The following ADAMTS5 variants were observed in gnomAD, a reference collection of about 807,000 sequenced individuals.
ADAMTS5 encodes ADAM metallopeptidase with thrombospondin type 1 motif 5, also known as A disintegrin and metalloproteinase with thrombospondin motifs 5.
In ADAMTS5, 54 loss-of-function variants were observed where a neutral mutation model predicts 81.4. The observed-to-expected ratio is 0.66, with a 90% CI of 0.53 to 0.83. ADAMTS5 has a LOEUF of 0.83. Ranked by LOEUF, ADAMTS5 falls within the 40% of genes least tolerant of loss-of-function variation. The pLI is 0.00. For synonymous variants in ADAMTS5, 532 were observed against 508.8 expected (o/e 1.05, Z -0.61); for missense variants, 1,194 against 1,229.9 (o/e 0.97, Z 0.44).
chr21:26,923,939 T>C lies in ADAMTS5; in HGVS notation c.*114A>G. ...ATTCTGCCCATAATTGGACTCCTGTTGACAATGTCACTGAAGCATGACTTT... is the reference window on the plus strand; with the variant it reads ...ATTCTGCCCATAATTGGACTCCTGTCGACAATGTCACTGAAGCATGACTTT... On this transcript the variant is annotated 3_prime_UTR_variant, in exon 8 of 8. Coordinates refer to ENST00000284987, the MANE Select transcript of ADAMTS5 (RefSeq NM_007038.5). The C allele has an allele frequency of 8.7e-7, 1 of 1,143,376 alleles. No homozygotes were observed. The highest frequency in any genetic ancestry group is 1.2e-6 in the Non-Finnish European group (1 of 827,296). The allele number at this position is 1,143,376 out of a possible 1,614,324, so 70.8% of individuals were successfully genotyped here.
rs1356235663 is a variant in ADAMTS5, at chr21:26,965,808, C to A, written c.584G>T (p.Arg195Leu). The change falls in exon 1 of 8, where the codon CGC (arginine) becomes CTC (leucine). Residue 195 changes from arginine (R) to leucine (L), a missense_variant. Arg to Leu is a moderately radical substitution (Grantham distance 102). Around this residue, in one of 2 missense-constraint regions of ADAMTS5, gnomAD observed 498 missense variants for 412.3 expected, o/e 1.21. Coordinates refer to ENST00000284987, the MANE Select transcript of ADAMTS5 (RefSeq NM_007038.5). Reference sequence around the variant, plus strand: ...CAGGGCCTCGAAGCTGAAGCCCTCGCGGGTGTAGACGTGCAGGATCCGTGC... The same window carrying A: ...CAGGGCCTCGAAGCTGAAGCCCTCGAGGGTGTAGACGTGCAGGATCCGTGC... ...GSARILHVYT[R>L]EGFSFEALPP... 9 of 1,607,560 alleles carry A rather than the reference C, an allele frequency of 5.6e-6. No homozygotes were observed. Among genetic ancestry groups the A allele is most frequent in the Admixed American group, 1.7e-5 (1 of 59,402 alleles).
In ADAMTS5 at chr21:26,965,400, C is replaced by A; in HGVS notation, c.992G>T (p.Ser331Ile). 1 of 1,614,268 alleles carries A rather than the reference C, an allele frequency of 6.2e-7. No individual in the cohort carries two copies. Among genetic ancestry groups the A allele is most frequent in the Non-Finnish European group, 8.5e-7 (1 of 1,180,050 alleles). Residue 331 changes from serine to isoleucine, a missense_variant, in exon 1 of 8, where the codon AGC becomes ATC. Ser to Ile is a moderately radical substitution (Grantham distance 142). This residue lies in a region of ADAMTS5 where 696 missense variants were observed against 817.6 expected (regional missense o/e 0.85). Coordinates refer to ENST00000284987, the MANE Select transcript of ADAMTS5 (RefSeq NM_007038.5). ...LGDKDKSLEV[S>I]KNAATTLKNF... ...CTTGAGTGTGGTGGCAGCGTTCTTG[C>A]TCACTTCCAGGCTCTTGTCCTTGTC...
At chr21:26,936,842 C>T (rs187642534) in intron 3 of ADAMTS5, among the ~76,000 whole-genome samples, 31 of 152,196 alleles carry the variant, frequency 2.0e-4, no homozygotes, top group Admixed American at 6.5e-5. Context: ...CAGAACTCCA[C>T]GAAAAACATT....
chr21:26,931,655 C>T (rs542225593), intron 6 of ADAMTS5, among the ~76,000 whole-genome samples: 17 of 152,198 alleles, frequency 1.1e-4, no homozygotes, highest in Non-Finnish European at 2.2e-4. Flanking sequence ...AGTTTTCTTG[C>T]TTTATGGTCT....
rs1986642400 is a variant in ADAMTS5, at chr21:26,919,249, A to G, written c.*4804T>C. On this transcript the variant is annotated 3_prime_UTR_variant, in exon 8 of 8. Coordinates refer to ENST00000284987, the MANE Select transcript of ADAMTS5 (RefSeq NM_007038.5). ...TTTGTTTTTTTTTTTTTTCCTACAA[A>G]TCACAGTTTTCCTCACAGTGTTAGA... 6.6e-6 allele frequency: 1 copy of G among 151,220 alleles called. No individual in the cohort carries two copies. The highest frequency in any genetic ancestry group is 1.5e-5 in the Non-Finnish European group (1 of 67,756). 9.4% of individuals were successfully genotyped at this position (151,220 alleles called of 1,614,324 possible). A position where few individuals can be genotyped will look rare whatever the true frequency, so the allele number is the denominator to read the frequency against.
chr21:26,923,992 C>T lies in ADAMTS5; in HGVS notation c.*61G>A. On this transcript the variant is annotated 3_prime_UTR_variant, in exon 8 of 8. Coordinates refer to ENST00000284987, the MANE Select transcript of ADAMTS5 (RefSeq NM_007038.5). ...GTGCGTTAGGTAGACCTCCTGTTCA[C>T]CACGACTGCATCAGTGCTGAATCCT... is the stretch of plus-strand genomic sequence containing the variant. 2 of 1,494,076 alleles carry T rather than the reference C, an allele frequency of 1.3e-6. No homozygotes were observed. The highest frequency in any genetic ancestry group is 1.3e-5 in the South Asian group (1 of 76,758). The allele number at this position is 1,494,076 out of a possible 1,614,324, so 92.6% of individuals were successfully genotyped here.
At chr21:26,941,681 G>T (rs1409918848) in intron 3 of ADAMTS5, among the ~76,000 whole-genome samples, 1 of 152,010 alleles carries the variant, frequency 6.6e-6, no homozygotes, top group Admixed American at 6.6e-5. Flanking sequence ...AGTGATTCAA[G>T]GTTTAGCTCA....
intron 3 of ADAMTS5, among the ~76,000 whole-genome samples, chr21:26,940,664 G>A (rs1311506890): frequency 2.6e-5 from 4 of 152,112 alleles, no homozygotes; most frequent in Non-Finnish European, 4.4e-5. Flanking sequence ...TAATAAATGG[G>A]CTCTGAGTGG....
Position 26,923,904 on chromosome 21 carries a change from CAGAG to C in ADAMTS5, c.*145_*148del. 2 of 803,934 alleles carry C rather than the reference CAGAG, an allele frequency of 2.5e-6. No homozygotes were observed. The highest frequency in any genetic ancestry group is 4.1e-5 in the South Asian group (2 of 48,754). 49.8% of individuals were successfully genotyped at this position (803,934 alleles called of 1,614,324 possible). A position where few individuals can be genotyped will look rare whatever the true frequency, so the allele number is the denominator to read the frequency against. ...AGCAGTGCACATCCTCTTTTGGTCA[CAGAG>C]AGCAGATTCTGCCCATAATTGGACT... On this transcript the variant is annotated 3_prime_UTR_variant, in exon 8 of 8. Transcript: ENST00000284987.
intron 2 of ADAMTS5, among the ~76,000 whole-genome samples, chr21:26,943,911 T>A (rs1472573406): frequency 6.6e-6 from 1 of 152,214 alleles, no homozygotes; most frequent in Non-Finnish European, 1.5e-5. Flanking sequence ...TTGTCTAATT[T>A]TCTGCCTTCT....
At position 26,919,328 on chromosome 21, in the gene ADAMTS5, G is replaced by A. The variant is rs980799291; in HGVS notation, c.*4725C>T. 4.6e-5 allele frequency: 7 copies of A among 151,232 alleles called. No homozygotes were observed. The highest frequency in any genetic ancestry group is 1.9e-4 in the East Asian group (1 of 5,132). The allele number at this position is 151,232 out of a possible 1,614,324, so 9.4% of individuals were successfully genotyped here. A position where few individuals can be genotyped will look rare whatever the true frequency, so the allele number is the denominator to read the frequency against. Reference sequence around the variant, plus strand: ...CTTACAGGATGAGGGGCCACTGCTCGTTTTTTCCATTTGACCTTTACAGTC... The same window carrying A: ...CTTACAGGATGAGGGGCCACTGCTCATTTTTTCCATTTGACCTTTACAGTC... On this transcript the variant is annotated 3_prime_UTR_variant, in exon 8 of 8. Transcript: ENST00000284987.
intron 2 of ADAMTS5, among the ~76,000 whole-genome samples, chr21:26,948,531 C>G (rs1987258269): frequency 6.6e-6 from 1 of 152,178 alleles, no homozygotes; most frequent in African/African-American, 2.4e-5. Context: ...AGTGAGTCAA[C>G]TGCTCACATG....
chr21:26,966,502 G>A lies in ADAMTS5; in HGVS notation c.-111C>T. 8.4e-7 allele frequency: 1 copy of A among 1,193,090 alleles called. No homozygotes were observed. 73.9% of individuals were successfully genotyped at this position (1,193,090 alleles called of 1,614,324 possible). A position where few individuals can be genotyped will look rare whatever the true frequency, so the allele number is the denominator to read the frequency against. ...GGGACACACACACACTTGCTTGCAG[G>A]ATTGAGTCAAGTGTCGGAGGGAGGG... On this transcript the variant is annotated 5_prime_UTR_variant, in exon 1 of 8. Coordinates refer to ENST00000284987, the MANE Select transcript of ADAMTS5 (RefSeq NM_007038.5).
Position 26,965,323 on chromosome 21 carries a change from C to G in ADAMTS5, c.1069G>C (p.Glu357Gln). Residue 357 changes from glutamate (E) to glutamine (Q), a missense_variant, in exon 1 of 8, where the codon GAG (glutamate) becomes CAG (glutamine). This residue lies in a region of ADAMTS5 where 696 missense variants were observed against 817.6 expected (regional missense o/e 0.85). Coordinates refer to ENST00000284987, the MANE Select transcript of ADAMTS5 (RefSeq NM_007038.5). ...QHNQLGDDHE[E>Q]HYDAAILFTR... ...AACAGGATAGCTGCATCGTAGTGCT[C>G]CTCATGGTCATCTCCCAGCTGGTTG... 6.2e-7 allele frequency: 1 copy of G among 1,614,152 alleles called. No individual in the cohort carries two copies. Among genetic ancestry groups the G allele is most frequent in the Non-Finnish European group, 8.5e-7 (1 of 1,180,012 alleles).
In ADAMTS5 at chr21:26,919,232, T is replaced by A. The variant is rs915474783; in HGVS notation, c.*4821A>T. ...GCATGCCCTGTTTTTTATTTGTTTT[T>A]TTTTTTTTTCCTACAAATCACAGTT... On this transcript the variant is annotated 3_prime_UTR_variant, in exon 8 of 8. Transcript: ENST00000284987. 2 of 151,720 alleles carry A rather than the reference T, an allele frequency of 1.3e-5. No homozygotes were observed. Among genetic ancestry groups the A allele is most frequent in the African/African-American group, 4.8e-5 (2 of 41,366 alleles). The allele number at this position is 151,720 out of a possible 1,614,324, so 9.4% of individuals were successfully genotyped here.
At chr21:26,949,260 C>T (rs927312181) in intron 2 of ADAMTS5, among the ~76,000 whole-genome samples, 2 of 151,418 alleles carry the variant, frequency 1.3e-5, no homozygotes, top group Admixed American at 6.6e-5. Context: ...TGCAGTCATG[C>T]TATCAAAGCC....
In ADAMTS5 at chr21:26,965,328, T is replaced by C. The variant is rs760291895; in HGVS notation, c.1064A>G (p.His355Arg). ...QHQHNQLGDDHEEHYDAAILF... is the reference protein window; with the variant it reads ...QHQHNQLGDDREEHYDAAILF... Reference sequence around the variant, plus strand: ...GATAGCTGCATCGTAGTGCTCCTCATGGTCATCTCCCAGCTGGTTGTGTTG... The same window carrying C: ...GATAGCTGCATCGTAGTGCTCCTCACGGTCATCTCCCAGCTGGTTGTGTTG... The change falls in exon 1 of 8, where the codon CAT (histidine) becomes CGT (arginine). Residue 355 changes from histidine (H) to arginine (R), a missense_variant. His to Arg is a conservative substitution (Grantham distance 29). Around this residue, in one of 2 missense-constraint regions of ADAMTS5, gnomAD observed 696 missense variants for 817.6 expected, o/e 0.85. Transcript: ENST00000284987. 3 of 1,614,222 alleles carry C rather than the reference T, an allele frequency of 1.9e-6. No homozygotes were observed. Among genetic ancestry groups the C allele is most frequent in the Non-Finnish European group, 2.5e-6 (3 of 1,180,022 alleles).
intron 7 of ADAMTS5, 36 bp downstream of exon 7, chr21:26,929,850 T>G: frequency 6.3e-7 from 1 of 1,594,350 alleles, no homozygotes. Flanking sequence ...AAAGCTTTGT[T>G]CAATTCACAT....
At chr21:26,941,586 TGAC>T (rs1336930024) in intron 3 of ADAMTS5, among the ~76,000 whole-genome samples, 2 of 152,104 alleles carry the variant, frequency 1.3e-5, no homozygotes, top group Non-Finnish European at 2.9e-5. Flanking sequence ...TGTAATTAGC[TGAC>T]CTAATATTTG....
Sources: allele counts gnomAD v4.1 joint callset (sites outside exome capture counted in the v4.1 genomes callset), GRCh38; gene constraint gnomAD v4.1.1; regional missense constraint gnomAD v4.1.1; transcripts MANE v1.5; gene names NCBI Gene and HGNC (gene_info 2026-07-23, HGNC 2026-07-21).